The following MARK1 variants were observed in gnomAD, a reference collection of about 807,000 sequenced individuals.
MARK1 encodes microtubule affinity regulating kinase 1.
In MARK1, 40 loss-of-function variants were observed where a neutral mutation model predicts 96.3. That is an observed-to-expected ratio of 0.42 (90% CI 0.32 to 0.54). The LOEUF (loss-of-function observed/expected upper bound fraction) is 0.54, where lower values mean the gene tolerates loss of function less well. Among genes scored for constraint, MARK1 ranks in the 20% least tolerant of loss-of-function variants. The probability of loss-of-function intolerance (pLI) is 0.16; values close to 1 mark genes in which losing one functional copy is unlikely to be tolerated. For synonymous variants in MARK1, 317 were observed against 341.2 expected, an observed-to-expected ratio of 0.93 and a Z score of 0.78; for missense variants, 719 against 984.6, an observed-to-expected ratio of 0.73 and a Z score of 3.61.
At chr1:220,542,106 C>A (rs1661189149) in intron 1 of MARK1, among the ~76,000 whole-genome samples, 1 of 152,088 alleles carries the variant, frequency 6.6e-6, no homozygotes, top group Non-Finnish European at 1.5e-5. Context: ...CTCTTTTTCC[C>A]CATCTGTTGA....
chr1:220,532,483 G>A (rs533014314), intron 1 of MARK1, among the ~76,000 whole-genome samples: 1 of 152,190 alleles, frequency 6.6e-6, no homozygotes, highest in African/African-American at 2.4e-5. Flanking sequence ...CACCCCCTTT[G>A]AATTTTTTCA....
chr1:220,597,373 C>T (rs1298306066), intron 3 of MARK1, among the ~76,000 whole-genome samples: 1 of 152,074 alleles, frequency 6.6e-6, no homozygotes, highest in African/African-American at 2.4e-5. Context: ...ACATCCCCGC[C>T]AACATTTGCT....
At chr1:220,637,691 A>AAAAG (rs547114343) in intron 13 of MARK1, among the ~76,000 whole-genome samples, 1 of 152,126 alleles carries the variant, frequency 6.6e-6, no homozygotes, top group South Asian at 2.1e-4. Flanking sequence ...AAAACCAAAA[A>AAAAG]AAAGAAAGAA....
At chr1:220,544,799 TAAC>T (rs1200480549) in intron 1 of MARK1, among the ~76,000 whole-genome samples, 80 of 152,368 alleles carry the variant, frequency 5.3e-4, no homozygotes, top group African/African-American at 1.9e-3. Context: ...GTGACAGGTT[TAAC>T]AAGACTACCT....
rs936528035 is a variant in MARK1, at chr1:220,528,679, C to T, written c.-144C>T. ...CTCTTCCCTCTTTCCCCCGCCGGGG[C>T]CGCTTGTTGCACCGCCCCGCGGCCT... On this transcript the variant is annotated 5_prime_UTR_variant, in exon 1 of 18. Coordinates refer to ENST00000366917, the MANE Select transcript of MARK1 (RefSeq NM_018650.5). 1.6e-6 allele frequency: 1 copy of T among 608,718 alleles called. No individual in the cohort carries two copies. The highest frequency in any genetic ancestry group is 4.3e-5 in the Admixed American group (1 of 23,460). 37.7% of individuals were successfully genotyped at this position (608,718 alleles called of 1,614,324 possible). A position where few individuals can be genotyped will look rare whatever the true frequency, so the allele number is the denominator to read the frequency against.
chr1:220,528,511 T>G lies in MARK1; in HGVS notation c.-312T>G. On this transcript the variant is annotated 5_prime_UTR_variant, in exon 1 of 18. Transcript: ENST00000366917. ...GCGGGGCTCGCCACCGCCTCCCGGC[T>G]CCCCTTCCACGCCTCATCCTGCCAG... The G allele has an allele frequency of 7.4e-6, 3 of 406,574 alleles. No homozygotes were observed. The South Asian group carries it at 1.3e-4, about 18-fold the overall frequency. 25.2% of individuals were successfully genotyped at this position (406,574 alleles called of 1,614,324 possible). A position where few individuals can be genotyped will look rare whatever the true frequency, so the allele number is the denominator to read the frequency against.
chr1:220,645,084 T>G (rs1296293228), intron 13 of MARK1, among the ~76,000 whole-genome samples: 1 of 152,050 alleles, frequency 6.6e-6, no homozygotes, highest in African/African-American at 2.4e-5. Context: ...AGAGCTGAAC[T>G]GAAGGAGATA....
chr1:220,653,302 G>A lies in MARK1; in HGVS notation c.1938G>A (p.Arg646=). Residue 646 remains arginine, a synonymous_variant, in exon 16 of 18, where the codon AGG becomes AGA. Coordinates refer to ENST00000366917, the MANE Select transcript of MARK1 (RefSeq NM_018650.5). ...HETGAFAHAR[R]GTSTGIISKI... ...CGGGTGCATTTGCACATGCCAGAAG[G>A]GGAACGTCAACTGGTATAATAAGCA... 6.2e-7 allele frequency: 1 copy of A among 1,614,192 alleles called. No individual in the cohort carries two copies. Among genetic ancestry groups the A allele is most frequent in the Non-Finnish European group, 8.5e-7 (1 of 1,180,038 alleles).
chr1:220,547,706 AG>A (rs1661595338), intron 1 of MARK1, among the ~76,000 whole-genome samples: 1 of 152,160 alleles, frequency 6.6e-6, no homozygotes, highest in African/African-American at 2.4e-5. Flanking sequence ...CTGGGACTAC[AG>A]GTGCCCGCCA....
chr1:220,656,504 G>A (rs1021514525), intron 16 of MARK1, among the ~76,000 whole-genome samples: 1 of 152,204 alleles, frequency 6.6e-6, no homozygotes, highest in African/African-American at 2.4e-5. Context: ...TGTCTTAGCA[G>A]TGGGAGTCAA....
At chr1:220,536,665 C>T (rs1660710116) in intron 1 of MARK1, among the ~76,000 whole-genome samples, 1 of 152,016 alleles carries the variant, frequency 6.6e-6, no homozygotes, top group African/African-American at 2.4e-5. Context: ...AAGCGATTCT[C>T]CTGCCTCAGC....
At chr1:220,584,163 C>T (rs6541152) in intron 3 of MARK1, among the ~76,000 whole-genome samples, 128,340 of 152,096 alleles carry the variant, frequency 0.84, 57,469 homozygotes, top group East Asian at 0.99. Flanking sequence ...CACCAGAGTG[C>T]AGTTTATCTC....
intron 12 of MARK1, 87 bp from the exon 13 acceptor site, chr1:220,635,746 A>T (rs1667924608): frequency 8.0e-7 from 1 of 1,249,128 alleles, no homozygotes; most frequent in African/African-American, 1.5e-5. Flanking sequence ...GCAAATATGG[A>T]TAATTTTAAT....
At chr1:220,588,294 G>T (rs1173985427) in intron 3 of MARK1, among the ~76,000 whole-genome samples, 1 of 152,018 alleles carries the variant, frequency 6.6e-6, no homozygotes, top group Non-Finnish European at 1.5e-5. Flanking sequence ...TGTGAAATTG[G>T]TACTAGTTCA....
At chr1:220,601,654 C>T (rs113170694) in intron 5 of MARK1, among the ~76,000 whole-genome samples, 80 of 152,284 alleles carry the variant, frequency 5.3e-4, no homozygotes, top group African/African-American at 1.9e-3. Context: ...AAATCATAGA[C>T]TGCTAAAATT....
chr1:220,656,946 T>G (rs1669209906), intron 16 of MARK1, among the ~76,000 whole-genome samples: 2 of 152,184 alleles, frequency 1.3e-5, no homozygotes, highest in Admixed American at 1.3e-4. Flanking sequence ...ACCACTGATT[T>G]TATTCTTATT....
chr1:220,581,734 A>G (rs1008891269), intron 3 of MARK1, among the ~76,000 whole-genome samples: 31 of 152,318 alleles, frequency 2.0e-4, no homozygotes, highest in South Asian at 2.1e-4. Flanking sequence ...ATGTTTCTTT[A>G]AAGGATTGAA....
chr1:220,568,940 C>A (rs1225196400), intron 1 of MARK1, among the ~76,000 whole-genome samples: 1 of 151,988 alleles, frequency 6.6e-6, no homozygotes, highest in East Asian at 1.9e-4. Flanking sequence ...AATTTCTAGC[C>A]CAAGGATTGT....
chr1:220,606,737 T>G (rs1009648083), intron 6 of MARK1, among the ~76,000 whole-genome samples: 1 of 152,222 alleles, frequency 6.6e-6, no homozygotes, highest in Non-Finnish European at 1.5e-5. Flanking sequence ...GCTTTCTACA[T>G]ATGGCTAGCC....
Sources: gnomAD v4.1 joint callset for allele counts (sites outside exome capture counted in the v4.1 genomes callset) on GRCh38, gnomAD v4.1.1 for gene constraint, MANE v1.5 for transcripts, NCBI Gene and HGNC (gene_info 2026-07-23, HGNC 2026-07-21) for gene names.